COL5A3: variants seen among roughly 807,000 people sequenced by gnomAD.
COL5A3 encodes the protein collagen type V alpha 3 chain.
In COL5A3, 172 loss-of-function variants were observed where a neutral mutation model predicts 250.0. The observed-to-expected ratio is 0.69, with a 90% CI of 0.61 to 0.78. The LOEUF is 0.78. Ranked by LOEUF, COL5A3 falls within the 30% of genes least tolerant of loss-of-function variation. The pLI is 0.00. For missense variants in COL5A3, 2,340 were observed against 2,334.4 expected, an observed-to-expected ratio of 1.00 and a Z score of -0.05; for synonymous variants, 937 against 900.4, an observed-to-expected ratio of 1.04 and a Z score of -0.73.
At chr19:9,969,472 T>C (rs941753696) in intron 56 of COL5A3, 70 bp from the exon 57 acceptor site, 2 of 1,584,406 alleles carry the variant, frequency 1.3e-6, no homozygotes, top group African/African-American at 2.7e-5. Flanking sequence ...CCCCCGACCA[T>C]GCACCAGGGG....
At chr19:9,994,212 C>T (rs946076788) in intron 16 of COL5A3, among the ~76,000 whole-genome samples, 1 of 151,194 alleles carries the variant, frequency 6.6e-6, no homozygotes, top group Admixed American at 6.6e-5. Context: ...TGAGGTCTTG[C>T]TCTCTTGCCC....
At chr19:9,971,362 A>T in intron 51 of COL5A3, 104 bp from the exon 52 acceptor site, 2 of 811,218 alleles carry the variant, frequency 2.5e-6, no homozygotes. Flanking sequence ...TTCTGGGGAC[A>T]CATTAGTGAA....
intron 27 of COL5A3, among the ~76,000 whole-genome samples, chr19:9,988,195 T>C (rs548459921): frequency 1.3e-5 from 2 of 152,054 alleles, no homozygotes; most frequent in Admixed American, 6.5e-5. Context: ...GGTGGCATCA[T>C]TGCACTCTAG....
rs776396894 is a variant in COL5A3, at chr19:9,997,997, G to C, written c.1187C>G (p.Ala396Gly). 1 of 1,614,068 alleles carries C rather than the reference G, an allele frequency of 6.2e-7. No individual in the cohort carries two copies. The highest frequency in any genetic ancestry group is 1.1e-5 in the South Asian group (1 of 91,074). Reference protein sequence around the residue: ...KGQQFEGPPGAPGPQGVVGPS... With the variant: ...KGQQFEGPPGGPGPQGVVGPS... ...GCCATGACTTACTTGGGGTCCTGGG[G>C]CTCCTGGAGGTCCCTCAAACTGCTG... The change falls in exon 10 of 67, where the codon GCC becomes GGC. Residue 396 changes from alanine (A) to glycine (G), a missense_variant. By Grantham distance (60) the Ala-to-Gly change is moderately conservative (BLOSUM62 0). Around this residue, in one of 3 missense-constraint regions of COL5A3, gnomAD observed 1,152 missense variants for 1,146.3 expected, o/e 1.00. Coordinates refer to ENST00000264828, the MANE Select transcript of COL5A3 (RefSeq NM_015719.4).
At chr19:10,001,409 A>G in intron 8 of COL5A3, 115 bp downstream of exon 8, 1 of 1,063,822 alleles carries the variant, frequency 9.4e-7, no homozygotes, top group Non-Finnish European at 1.3e-6. Flanking sequence ...GGTCTCCCAA[A>G]GTGTTCGGAT....
rs1300403506 is a variant in COL5A3 at position 9,997,367 on chromosome 19, T to C, written c.1263+4A>G. ...AAGTGTACACCCCAGTGGGAGTCTC[T>C]TACCGGTGGACCAGGGTCGCCAGGG... is the stretch of plus-strand genomic sequence containing the variant. On this transcript the variant is annotated splice_donor_region_variant and intron_variant, in intron 11 of 66. Coordinates refer to ENST00000264828, the MANE Select transcript of COL5A3 (RefSeq NM_015719.4). The C allele has an allele frequency of 6.2e-7, 1 of 1,607,080 alleles. No homozygotes were observed. Among genetic ancestry groups the C allele is most frequent in the Non-Finnish European group, 8.5e-7 (1 of 1,176,380 alleles).
chr19:9,991,489 GA>G, intron 24 of COL5A3, 120 bp downstream of exon 24: 1 of 795,856 alleles, frequency 1.3e-6, no homozygotes, highest in Non-Finnish European at 2.0e-6. Flanking sequence ...CTGGCTTAGG[GA>G]ATGTTGCAGT....
intron 31 of COL5A3, among the ~76,000 whole-genome samples, chr19:9,983,536 GAA>G (rs745652994): frequency 1.1e-3 from 9 of 7,960 alleles, no homozygotes; most frequent in Admixed American, 8.5e-3. Flanking sequence ...AAAGAAGAAA[GAA>G]AGAAAGAAAG....
chr19:9,984,383 T>C (rs950153004), intron 31 of COL5A3, among the ~76,000 whole-genome samples: 2 of 152,134 alleles, frequency 1.3e-5, no homozygotes, highest in African/African-American at 4.8e-5. Context: ...TGATATAATA[T>C]GGGAATAGTT....
intron 37 of COL5A3, among the ~76,000 whole-genome samples, 189 bp downstream of exon 37, chr19:9,979,650 C>T (rs1331765640): frequency 1.3e-5 from 2 of 151,982 alleles, no homozygotes; most frequent in East Asian, 1.9e-4. Flanking sequence ...ATTAGCCGGG[C>T]GTGGTGGCAC....
intron 33 of COL5A3, 26 bp downstream of exon 33, chr19:9,981,062 G>A: frequency 6.2e-7 from 1 of 1,610,868 alleles, no homozygotes; most frequent in Non-Finnish European, 8.5e-7. Flanking sequence ...TCCCAGCAGG[G>A]TAGGGGGCAC....
chr19:9,980,090 C>G (rs2086986635), intron 35 of COL5A3, 43 bp from the exon 36 acceptor site: 5 of 1,544,168 alleles, frequency 3.2e-6, no homozygotes, highest in Non-Finnish European at 4.4e-6. Context: ...CCCCTGCCTC[C>G]CTGCCCACTC....
chr19:10,005,623 G>T lies in COL5A3; in HGVS notation c.529C>A (p.Arg177Ser), dbSNP rs780192950. Residue 177 changes from arginine to serine, a missense_variant, in exon 4 of 67, where the codon CGC becomes AGC. By Grantham distance (110) the Arg-to-Ser change is moderately radical. This residue lies in a region of COL5A3 where 1,152 missense variants were observed against 1,146.3 expected (regional missense o/e 1.00). Transcript: ENST00000264828. Reference protein sequence around the residue: ...AQPPVLGHGPRFISIAGLTVL... With the variant: ...AQPPVLGHGPSFISIAGLTVL... Reference sequence around the variant, plus strand: ...GTGAGTCCAGCTATGCTGATGAAGCGGGGGCCATGGCCCAAAACAGGGGGC... The same window carrying T: ...GTGAGTCCAGCTATGCTGATGAAGCTGGGGCCATGGCCCAAAACAGGGGGC... 2 of 1,614,090 alleles carry T rather than the reference G, an allele frequency of 1.2e-6. No homozygotes were observed. Among genetic ancestry groups the T allele is most frequent in the Non-Finnish European group, 1.7e-6 (2 of 1,179,980 alleles).
At chr19:9,978,498 A>C (rs913773635) in intron 41 of COL5A3, 76 bp downstream of exon 41, 14 of 992,202 alleles carry the variant, frequency 1.4e-5, no homozygotes, top group Non-Finnish European at 1.3e-5. Context: ...GGGTTTTATC[A>C]TGACAATGTC....
At position 9,983,529 on chromosome 19, in the gene COL5A3, G is replaced by GAAGAAAGA. The variant is rs59275367; in HGVS notation, c.2407-1419_2407-1412dup. 2.6e-3 allele frequency among the ~76,000 whole-genome samples: 251 copies of GAAGAAAGA among 95,218 alleles called. 5 individuals are homozygous for GAAGAAAGA. The highest frequency in any genetic ancestry group is 0.014 in the Middle Eastern group (3 of 214). 62.5% of individuals were successfully genotyped at this position (95,218 alleles called of 152,430 possible). A position where few individuals can be genotyped will look rare whatever the true frequency, so the allele number is the denominator to read the frequency against. ...AAGCAAGCAAGCAAGCAAAAAGAAA[G>GAAGAAAGA]AAGAAAGAAAGAAAGAAAGAAAGAA... On this transcript the variant is annotated intron_variant, in intron 31 of 66. Coordinates refer to ENST00000264828, the MANE Select transcript of COL5A3 (RefSeq NM_015719.4).
rs1259366984 is a variant in COL5A3, at chr19:9,959,906, C to T, written c.*505G>A. On this transcript the variant is annotated 3_prime_UTR_variant, in exon 67 of 67. Coordinates refer to ENST00000264828, the MANE Select transcript of COL5A3 (RefSeq NM_015719.4). ...CAGTCAAGGGAAGTCCCTCTTCCCT[C>T]TGTAGTCCGACCTCAGTCCTTTCAC... is the stretch of plus-strand genomic sequence containing the variant. 6.3e-6 allele frequency: 1 copy of T among 157,908 alleles called. No homozygotes were observed. Among genetic ancestry groups the T allele is most frequent in the Non-Finnish European group, 1.4e-5 (1 of 71,074 alleles). 9.8% of individuals were successfully genotyped at this position (157,908 alleles called of 1,614,324 possible).
chr19:9,977,936 G>C (rs1481471779), intron 41 of COL5A3, among the ~76,000 whole-genome samples: 1 of 124,288 alleles, frequency 8.0e-6, no homozygotes, highest in Non-Finnish European at 1.7e-5. Flanking sequence ...TAGTCCTCCT[G>C]GCAGCCTATA....
At chr19:9,970,700 G>C (rs1289406544) in intron 53 of COL5A3, 25 bp from the exon 54 acceptor site, 1 of 1,413,514 alleles carries the variant, frequency 7.1e-7, no homozygotes. Context: ...GACACCAGCT[G>C]TGGTCTCAGC....
At chr19:10,004,562 C>T (rs1006646349) in intron 4 of COL5A3, among the ~76,000 whole-genome samples, 1 of 152,192 alleles carries the variant, frequency 6.6e-6, no homozygotes, top group Admixed American at 6.5e-5. Context: ...AACTCCTGGC[C>T]TCAAGTGATC....
Sources: gnomAD v4.1 joint callset for allele counts (sites outside exome capture counted in the v4.1 genomes callset) on GRCh38, gnomAD v4.1.1 for gene constraint, gnomAD v4.1.1 regional missense constraint, MANE v1.5 for transcripts, NCBI Gene and HGNC (gene_info 2026-07-23, HGNC 2026-07-21) for gene names.